CNTN4: variants seen among roughly 807,000 people sequenced by gnomAD.
CNTN4 encodes the protein contactin 4.
Under a neutral mutation model 122.5 loss-of-function variants are expected in CNTN4, and 77 were observed. That is an observed-to-expected ratio of 0.63 (90% CI 0.52 to 0.76). The LOEUF is 0.76. Ranked by LOEUF, CNTN4 falls within the 30% of genes least tolerant of loss-of-function variation. The pLI is 0.00. For synonymous variants in CNTN4, 512 were observed against 447.0 expected (o/e 1.15, Z -1.83); for missense variants, 1,256 against 1,259.1 (o/e 1.00, Z 0.04).
chr3:2,902,298 G>T (rs2094183218), intron 11 of CNTN4, among the ~76,000 whole-genome samples: 1 of 152,034 alleles, frequency 6.6e-6, no homozygotes, highest in African/African-American at 2.4e-5. Context: ...GCCCCCTTCA[G>T]ATTGGCCGCC....
intron 13 of CNTN4, among the ~76,000 whole-genome samples, chr3:2,978,228 T>G (rs192112233): frequency 1.6e-4 from 24 of 152,312 alleles, no homozygotes; most frequent in Non-Finnish European, 1.0e-4. Context: ...ACTGCATTGC[T>G]CTGTTCTCTC....
At chr3:2,395,814 T>A (rs1044419448) in intron 3 of CNTN4, among the ~76,000 whole-genome samples, 1 of 152,198 alleles carries the variant, frequency 6.6e-6, no homozygotes, top group Non-Finnish European at 1.5e-5. Context: ...AGCAGAACTA[T>A]ACCCTTTAGA....
intron 4 of CNTN4, among the ~76,000 whole-genome samples, chr3:2,650,614 A>G (rs2083318176): frequency 6.6e-6 from 1 of 152,218 alleles, no homozygotes; most frequent in Non-Finnish European, 1.5e-5. Context: ...AAATGGCCAC[A>G]GCCACCCCAG....
intron 4 of CNTN4, among the ~76,000 whole-genome samples, chr3:2,591,013 C>A (rs1385581131): frequency 3.9e-5 from 6 of 152,118 alleles, no homozygotes; most frequent in African/African-American, 1.4e-4. Context: ...CCAGGAGGTC[C>A]CTTTGTGGAG....
intron 8 of CNTN4, among the ~76,000 whole-genome samples, chr3:2,872,644 A>T (rs1284272936): frequency 6.6e-6 from 1 of 152,146 alleles, no homozygotes; most frequent in African/African-American, 2.4e-5. Flanking sequence ...ACAAGGAACA[A>T]TGAGATTATC....
intron 2 of CNTN4, among the ~76,000 whole-genome samples, chr3:2,182,787 T>A (rs1204817765): frequency 1.3e-5 from 2 of 151,998 alleles, no homozygotes. Flanking sequence ...TTGTCTTGGT[T>A]GAGAACTGGT....
intron 2 of CNTN4, among the ~76,000 whole-genome samples, chr3:2,212,769 AGT>A (rs1343443713): frequency 6.6e-6 from 1 of 152,254 alleles, no homozygotes; most frequent in African/African-American, 2.4e-5. Context: ...AAAAAATGGC[AGT>A]GACATATCCC....
At chr3:2,747,034 T>C (rs2089806093) in intron 6 of CNTN4, among the ~76,000 whole-genome samples, 1 of 151,984 alleles carries the variant, frequency 6.6e-6, no homozygotes, top group Non-Finnish European at 1.5e-5. Context: ...TAGTAAATCT[T>C]GTAATTCTTT....
In CNTN4 at chr3:2,769,760, T is replaced by C. The variant is rs73807924; in HGVS notation, c.358+24063T>C. ...AACAACATACAGATGATAGAATGGG[T>C]GGCAAGTAAAAATGCTTCTTGCCTG... is the stretch of plus-strand genomic sequence containing the variant. On this transcript the variant is annotated intron_variant, in intron 6 of 24. Transcript: ENST00000418658. Among the ~76,000 whole-genome samples, 547 of 152,288 alleles carry C rather than the reference T, an allele frequency of 3.6e-3. 4 individuals are homozygous for C. Among genetic ancestry groups the C allele is most frequent in the African/African-American group, 0.013 (533 of 41,566 alleles).
chr3:2,565,312 T>C (rs2079110438), intron 3 of CNTN4, among the ~76,000 whole-genome samples: 1 of 152,176 alleles, frequency 6.6e-6, no homozygotes, highest in African/African-American at 2.4e-5. Context: ...ACATATTTTC[T>C]CATCATTCCT....
chr3:2,710,973 G>A (rs923706514), intron 4 of CNTN4, among the ~76,000 whole-genome samples: 9 of 152,140 alleles, frequency 5.9e-5, no homozygotes, highest in African/African-American at 1.4e-4. Context: ...GGGACAATGC[G>A]CATTAAATCA....
intron 3 of CNTN4, among the ~76,000 whole-genome samples, chr3:2,434,755 A>G (rs1280667930): frequency 6.6e-6 from 1 of 152,010 alleles, no homozygotes; most frequent in Non-Finnish European, 1.5e-5. Context: ...CGTTTTTGTG[A>G]CAGACTCAAA....
At chr3:3,016,138 A>G (rs1341331362) in intron 14 of CNTN4, among the ~76,000 whole-genome samples, 1 of 152,198 alleles carries the variant, frequency 6.6e-6, no homozygotes, top group East Asian at 1.9e-4. Flanking sequence ...TTTATCTTCC[A>G]TCACAGTCAA....
At chr3:2,265,446 G>A (rs1309639190) in intron 2 of CNTN4, among the ~76,000 whole-genome samples, 2 of 151,960 alleles carry the variant, frequency 1.3e-5, no homozygotes, top group African/African-American at 4.8e-5. Context: ...AGTATCATGT[G>A]GTTTGTGTTA....
At chr3:2,552,125 C>T (rs2149367729) in intron 3 of CNTN4, among the ~76,000 whole-genome samples, 1 of 152,126 alleles carries the variant, frequency 6.6e-6, no homozygotes, top group South Asian at 2.1e-4. Context: ...ATAAGTGAGG[C>T]CAGAGTAAAG....
At chr3:2,218,054 A>G (rs1007126404) in intron 2 of CNTN4, among the ~76,000 whole-genome samples, 1 of 152,198 alleles carries the variant, frequency 6.6e-6, no homozygotes, top group East Asian at 1.9e-4. Flanking sequence ...GGATGAGAAA[A>G]ACAGGCACGT....
chr3:2,714,074 A>G (rs2087326425), intron 4 of CNTN4, among the ~76,000 whole-genome samples: 1 of 152,212 alleles, frequency 6.6e-6, no homozygotes, highest in Non-Finnish European at 1.5e-5. Flanking sequence ...AATAATAATC[A>G]TAATAGCACT....
chr3:2,329,512 T>C (rs911039777), intron 2 of CNTN4, among the ~76,000 whole-genome samples: 1 of 149,292 alleles, frequency 6.7e-6, no homozygotes, highest in African/African-American at 2.5e-5. Context: ...TTCAAAAATA[T>C]ATCCCTGTGT....
At chr3:3,044,994 A>G (rs1464507275) in intron 23 of CNTN4, among the ~76,000 whole-genome samples, 1 of 152,180 alleles carries the variant, frequency 6.6e-6, no homozygotes, top group Non-Finnish European at 1.5e-5. Context: ...AGAGGGTCCC[A>G]TGCCCGGCTC....
Sources: gnomAD v4.1 joint callset for allele counts (sites outside exome capture counted in the v4.1 genomes callset) on GRCh38, gnomAD v4.1.1 for gene constraint, MANE v1.5 for transcripts, NCBI Gene and HGNC (gene_info 2026-07-23, HGNC 2026-07-21) for gene names.